VPS13B: variants seen among roughly 807,000 people sequenced by gnomAD.
The protein encoded by VPS13B is intermembrane lipid transfer protein VPS13B.
VPS13B carries 285 observed loss-of-function variants against 426.4 expected under a neutral mutation model. The observed-to-expected ratio is 0.67, with a 90% CI of 0.61 to 0.74. The LOEUF (loss-of-function observed/expected upper bound fraction) is 0.74. Among genes scored for constraint, VPS13B ranks in the 30% least tolerant of loss-of-function variants. The probability of loss-of-function intolerance (pLI) is 0.00; values close to 1 mark genes in which losing one functional copy is unlikely to be tolerated. For missense variants in VPS13B, 4,537 were observed against 4,782.6 expected (o/e 0.95, Z 1.51); for synonymous variants, 1,676 against 1,676.4 (o/e 1.00, Z 0.01).
intron 19 of VPS13B, among the ~76,000 whole-genome samples, chr8:99,309,285 G>C (rs1447812761): frequency 6.6e-6 from 1 of 152,122 alleles, no homozygotes; most frequent in Non-Finnish European, 1.5e-5. Context: ...GTATTGCTTA[G>C]GTTTTCTTCT....
chr8:99,205,964 TAATA>T (rs1261395378), intron 17 of VPS13B, among the ~76,000 whole-genome samples: 2 of 152,188 alleles, frequency 1.3e-5, no homozygotes, highest in Admixed American at 6.5e-5. Context: ...TTAATTAAAA[TAATA>T]AATTATAAAG....
At chr8:99,696,542 G>A (rs1832012240) in intron 35 of VPS13B, 1 of 482,804 alleles carries the variant, frequency 2.1e-6, no homozygotes, top group Admixed American at 3.1e-5. Context: ...TGCCGCCCGT[G>A]ACCATGAAGC....
intron 17 of VPS13B, among the ~76,000 whole-genome samples, chr8:99,210,418 T>C (rs1396932175): frequency 2.0e-5 from 3 of 152,024 alleles, no homozygotes; most frequent in African/African-American, 7.2e-5. Flanking sequence ...TCAGTATCTT[T>C]CTATTATGGC....
rs373432375 is a variant in VPS13B at position 99,784,561 on chromosome 8, C to T, written c.7941+85C>T. 5.1e-6 allele frequency: 8 copies of T among 1,575,886 alleles called. No individual in the cohort carries two copies. In the African/African-American group the frequency reaches 1.1e-4, roughly 21 times the overall value. On this transcript the variant is annotated intron_variant, in intron 43 of 61. Coordinates refer to ENST00000357162, the MANE Select transcript of VPS13B (RefSeq NM_152564.5). ...CACTTGTGTGCCTGTCCAGTTATTT[C>T]CCTTTTTAAGTCTCCGAAGGAACCA...
chr8:99,323,100 C>G (rs564184296), intron 19 of VPS13B, among the ~76,000 whole-genome samples: 197 of 152,312 alleles, frequency 1.3e-3, no homozygotes, highest in African/African-American at 4.4e-3. Flanking sequence ...CCAGTTCGTA[C>G]TCTTTCGTTC....
At chr8:99,232,826 G>A (rs113545916) in intron 17 of VPS13B, among the ~76,000 whole-genome samples, 205 of 152,312 alleles carry the variant, frequency 1.3e-3, no homozygotes, top group African/African-American at 4.6e-3. Flanking sequence ...GAGGTAGGAG[G>A]CAGGGCCCGG....
chr8:99,794,551 A>G (rs1346545212), intron 43 of VPS13B, among the ~76,000 whole-genome samples: 2 of 152,310 alleles, frequency 1.3e-5, no homozygotes, highest in South Asian at 2.1e-4. Flanking sequence ...CTTTGTGCAC[A>G]TGGCTCCAGC....
At chr8:99,088,232 A>C (rs968403071) in intron 3 of VPS13B, among the ~76,000 whole-genome samples, 1 of 151,564 alleles carries the variant, frequency 6.6e-6, no homozygotes, top group Admixed American at 6.6e-5. Context: ...CTTAAATATC[A>C]GATCTTAAAA....
intron 39 of VPS13B, among the ~76,000 whole-genome samples, chr8:99,755,607 T>G (rs984138748): frequency 7.2e-5 from 11 of 151,940 alleles, no homozygotes; most frequent in African/African-American, 2.7e-4. Flanking sequence ...CCATCTCTAC[T>G]AAAAATACAA....
At chr8:99,311,371 C>CT (rs1300562643) in intron 19 of VPS13B, among the ~76,000 whole-genome samples, 1 of 152,130 alleles carries the variant, frequency 6.6e-6, no homozygotes, top group African/African-American at 2.4e-5. Flanking sequence ...TATGTTGTGT[C>CT]TTTTTTCTCA....
intron 31 of VPS13B, among the ~76,000 whole-genome samples, chr8:99,567,683 C>T (rs182625683): frequency 1.3e-5 from 2 of 151,736 alleles, no homozygotes; most frequent in African/African-American, 2.4e-5. Context: ...AGATTAGGTC[C>T]CCTATTGAGT....
At chr8:99,274,769 T>C (rs1818806661) in intron 18 of VPS13B, among the ~76,000 whole-genome samples, 1 of 152,106 alleles carries the variant, frequency 6.6e-6, no homozygotes, top group East Asian at 1.9e-4. Flanking sequence ...ATTTGTGATT[T>C]TTTTCAGTGC....
chr8:99,875,220 A>G (rs1817640811), intron 61 of VPS13B, 198 bp from the exon 62 acceptor site: 1 of 744,774 alleles, frequency 1.3e-6, no homozygotes, highest in Admixed American at 2.2e-5. Flanking sequence ...TCTCATGCAC[A>G]ACTTTCAGTT....
chr8:99,497,144 A>G (rs1028739064), intron 25 of VPS13B, among the ~76,000 whole-genome samples: 5 of 122,104 alleles, frequency 4.1e-5, no homozygotes, highest in African/African-American at 1.1e-4. Context: ...ATAAATATAT[A>G]TATTTATGTA....
chr8:99,050,652 A>C (rs914348880), intron 3 of VPS13B, among the ~76,000 whole-genome samples: 5 of 152,216 alleles, frequency 3.3e-5, no homozygotes, highest in Admixed American at 3.3e-4. Flanking sequence ...TCCCACCAAC[A>C]GTGTAAAAGT....
chr8:99,859,523 C>CT lies in VPS13B; in HGVS notation c.11044+58dup, dbSNP rs10710929. The CT allele has an allele frequency of 0.12, 163,691 of 1,397,580 alleles. 158 individuals carry two copies. Among genetic ancestry groups the CT allele is most frequent in the Non-Finnish European group, 0.13 (134,572 of 1,028,210 alleles). 86.6% of individuals were successfully genotyped at this position (1,397,580 alleles called of 1,614,324 possible). On this transcript the variant is annotated intron_variant, in intron 57 of 61. Transcript: ENST00000357162. ...TTGTAATAATGCCTTCACTCCTTCC[C>CT]TTTTTTTTTTTTTTTAAAGAATGTG...
intron 3 of VPS13B, among the ~76,000 whole-genome samples, chr8:99,068,028 T>C (rs1844637109): frequency 6.6e-6 from 1 of 152,234 alleles, no homozygotes; most frequent in Non-Finnish European, 1.5e-5. Flanking sequence ...TATGCTATTT[T>C]ATATTATGTA....
At chr8:99,833,685 T>C (rs1376925125) in intron 52 of VPS13B, among the ~76,000 whole-genome samples, 1 of 152,190 alleles carries the variant, frequency 6.6e-6, no homozygotes, top group Admixed American at 6.5e-5. Context: ...CTATATGAAC[T>C]TATAATAAAT....
At chr8:99,148,054 A>ATTTTT in intron 14 of VPS13B, 44 bp downstream of exon 14, 4 of 1,363,420 alleles carry the variant, frequency 2.9e-6, no homozygotes, top group Non-Finnish European at 3.0e-6. Flanking sequence ...TCATATATGG[A>ATTTTT]TTTTTTTTTT....
Sources: gnomAD v4.1 joint callset for allele counts (sites outside exome capture counted in the v4.1 genomes callset) on GRCh38, gnomAD v4.1.1 for gene constraint, MANE v1.5 for transcripts, NCBI Gene and HGNC (gene_info 2026-07-23, HGNC 2026-07-21) for gene names.